The following TRIM33 variants were observed in gnomAD, a reference collection of about 807,000 sequenced individuals.
The protein encoded by TRIM33 is E3 ubiquitin-protein ligase TRIM33.
In TRIM33, 20 loss-of-function variants were observed where a neutral mutation model predicts 125.4. The observed-to-expected ratio is 0.16, with a 90% confidence interval of 0.11 to 0.23. TRIM33 has a LOEUF of 0.23. Among genes scored for constraint, TRIM33 ranks in the 10% least tolerant of loss-of-function variants. The pLI, the probability that TRIM33 is intolerant of heterozygous loss-of-function variation, is 1.00. For synonymous variants in TRIM33, 564 were observed against 513.9 expected (o/e 1.10, Z -1.32); for missense variants, 920 against 1,411.4 (o/e 0.65, Z 5.58).
chr1:114,402,097 A>G (rs1651930294), intron 16 of TRIM33, among the ~76,000 whole-genome samples: 1 of 152,210 alleles, frequency 6.6e-6, no homozygotes, highest in African/African-American at 2.4e-5. Flanking sequence ...TCTAATGACC[A>G]CACGACAATG....
intron 1 of TRIM33, among the ~76,000 whole-genome samples, chr1:114,497,002 ATGTACTCTGC>A (rs1652407856): frequency 6.6e-6 from 1 of 152,230 alleles, no homozygotes. Flanking sequence ...TCAAAACAAA[ATGTACTCTGC>A]TGTAAAAGCA....
chr1:114,403,010 T>C, intron 15 of TRIM33, 127 bp from the exon 16 acceptor site: 1 of 943,058 alleles, frequency 1.1e-6, no homozygotes, highest in Middle Eastern at 3.2e-4. Flanking sequence ...GGTTTTATAG[T>C]TGTGAAATCT....
At chr1:114,445,814 C>T (rs149786426) in intron 4 of TRIM33, among the ~76,000 whole-genome samples, 215 of 152,044 alleles carry the variant, frequency 1.4e-3, no homozygotes, top group Non-Finnish European at 2.5e-3. Context: ...AAAAAACTGC[C>T]CACCCAGAAT....
At chr1:114,424,539 G>C in intron 10 of TRIM33, 52 bp downstream of exon 10, 1 of 1,426,888 alleles carries the variant, frequency 7.0e-7, no homozygotes, top group Non-Finnish European at 9.3e-7. Context: ...AGAAAATGAC[G>C]TCTTTTAATT....
At chr1:114,489,478 T>C (rs1260935639) in intron 1 of TRIM33, among the ~76,000 whole-genome samples, 1 of 152,168 alleles carries the variant, frequency 6.6e-6, no homozygotes, top group Non-Finnish European at 1.5e-5. Flanking sequence ...GTGCAGTGGC[T>C]CACACCTCTA....
chr1:114,440,410 T>C (rs1648581678), intron 4 of TRIM33, among the ~76,000 whole-genome samples: 1 of 150,552 alleles, frequency 6.6e-6, no homozygotes, highest in South Asian at 2.1e-4. Context: ...TTTAAAAGAC[T>C]ACATATATAA....
intron 1 of TRIM33, among the ~76,000 whole-genome samples, chr1:114,500,040 G>A (rs1454689237): frequency 5.9e-5 from 9 of 152,186 alleles, no homozygotes; most frequent in South Asian, 2.1e-4. Flanking sequence ...GGTGGCGGGC[G>A]CCTCTAATCC....
intron 4 of TRIM33, among the ~76,000 whole-genome samples, chr1:114,446,097 C>A (rs557601759): frequency 1.3e-5 from 2 of 152,258 alleles, no homozygotes; most frequent in Admixed American, 6.5e-5. Flanking sequence ...CTCAGGCAAT[C>A]CACCTGCCTC....
At chr1:114,456,260 C>A (rs1649614970) in intron 4 of TRIM33, among the ~76,000 whole-genome samples, 1 of 152,146 alleles carries the variant, frequency 6.6e-6, no homozygotes, top group Non-Finnish European at 1.5e-5. Flanking sequence ...CCACCAGAAC[C>A]ACCCAGGCCC....
At chr1:114,510,030 C>T (rs1373257765) in intron 1 of TRIM33, among the ~76,000 whole-genome samples, 1 of 152,110 alleles carries the variant, frequency 6.6e-6, no homozygotes, top group Non-Finnish European at 1.5e-5. Flanking sequence ...TTCCAGGCGC[C>T]TTCTCTGGAC....
intron 1 of TRIM33, 59 bp from the exon 2 acceptor site, chr1:114,464,447 G>T: frequency 1.0e-6 from 1 of 963,058 alleles, no homozygotes; most frequent in Non-Finnish European, 1.6e-6. Context: ...AATTGTGCAT[G>T]ATGTCCATAT....
intron 4 of TRIM33, among the ~76,000 whole-genome samples, chr1:114,439,550 G>A (rs1437940888): frequency 7.1e-6 from 1 of 140,382 alleles, no homozygotes; most frequent in Non-Finnish European, 1.5e-5. Context: ...AAAAAAAACA[G>A]TGAGCAGTGA....
chr1:114,457,182 A>C (rs1649676847), intron 4 of TRIM33, among the ~76,000 whole-genome samples: 1 of 152,196 alleles, frequency 6.6e-6, no homozygotes, highest in Non-Finnish European at 1.5e-5. Context: ...GAACTGCAGA[A>C]AGTAGTCTCT....
intron 11 of TRIM33, among the ~76,000 whole-genome samples, chr1:114,420,019 T>C (rs1290337469): frequency 6.6e-6 from 1 of 152,256 alleles, no homozygotes; most frequent in Non-Finnish European, 1.5e-5. Context: ...TACAACAGTT[T>C]CATTGCTCCT....
intron 4 of TRIM33, among the ~76,000 whole-genome samples, chr1:114,444,675 G>A (rs1306847765): frequency 6.6e-6 from 1 of 152,204 alleles, no homozygotes; most frequent in Non-Finnish European, 1.5e-5. Flanking sequence ...GCATACACAA[G>A]CTTACAGTAA....
chr1:114,446,914 G>C (rs146376014), intron 4 of TRIM33, among the ~76,000 whole-genome samples: 1 of 152,236 alleles, frequency 6.6e-6, no homozygotes, highest in East Asian at 1.9e-4. Flanking sequence ...AAAATTAGCT[G>C]TATGTGGTCT....
chr1:114,487,942 A>G (rs911034535), intron 1 of TRIM33, among the ~76,000 whole-genome samples: 2 of 150,750 alleles, frequency 1.3e-5, no homozygotes, highest in East Asian at 1.9e-4. Context: ...GAGAGTAAAT[A>G]TAATAGATTT....
chr1:114,452,244 G>A (rs763168279), intron 4 of TRIM33, among the ~76,000 whole-genome samples: 6 of 152,054 alleles, frequency 3.9e-5, no homozygotes, highest in Non-Finnish European at 8.8e-5. Context: ...GGCGGATCAC[G>A]AGGTCGAGAG....
At chr1:114,504,517 C>G (rs911961160) in intron 1 of TRIM33, among the ~76,000 whole-genome samples, 7 of 152,094 alleles carry the variant, frequency 4.6e-5, no homozygotes, top group African/African-American at 1.7e-4. Flanking sequence ...AATGTCAGCG[C>G]AGTGAATAAG....
Sources: gnomAD v4.1 joint callset for allele counts (sites outside exome capture counted in the v4.1 genomes callset) on GRCh38, gnomAD v4.1.1 for gene constraint, MANE v1.5 for transcripts, NCBI Gene and HGNC (gene_info 2026-07-23, HGNC 2026-07-21) for gene names.